SORCS2: variants seen among roughly 807,000 people sequenced by gnomAD.
SORCS2 encodes the protein sortilin related VPS10 domain containing receptor 2.
SORCS2 carries 100 observed loss-of-function variants against 141.6 expected under a neutral mutation model. The ratio of observed to expected loss-of-function variants is 0.71; its 90% CI spans 0.60 to 0.83. The LOEUF is 0.83. SORCS2 is among the 40% of genes least tolerant of loss of function. The pLI, the probability that SORCS2 is intolerant of heterozygous loss-of-function variation, is 0.00. For missense variants in SORCS2, 1,646 were observed against 1,560.2 expected (o/e 1.05, Z -0.93); for synonymous variants, 789 against 676.9 (o/e 1.17, Z -2.57).
At chr4:7,485,995 G>A (rs940485097) in intron 2 of SORCS2, among the ~76,000 whole-genome samples, 3 of 152,228 alleles carry the variant, frequency 2.0e-5, no homozygotes, top group African/African-American at 7.2e-5. Flanking sequence ...CACCCTCACT[G>A]TGGTGGCCTG....
chr4:7,532,800 C>G (rs932590015), intron 3 of SORCS2, among the ~76,000 whole-genome samples: 25 of 152,054 alleles, frequency 1.6e-4, no homozygotes, highest in African/African-American at 5.8e-4. Context: ...AAGCAGGTTG[C>G]TTTGCTGTTT....
intron 1 of SORCS2, among the ~76,000 whole-genome samples, chr4:7,370,018 TAAG>T (rs1560225109): frequency 2.0e-5 from 3 of 152,212 alleles, no homozygotes; most frequent in African/African-American, 7.2e-5. Flanking sequence ...AAAATAGAGA[TAAG>T]AAGAAGCAGC....
At chr4:7,641,854 G>A (rs1229275980) in intron 4 of SORCS2, among the ~76,000 whole-genome samples, 1 of 150,214 alleles carries the variant, frequency 6.7e-6, no homozygotes, top group African/African-American at 2.5e-5. Flanking sequence ...GGGGATGAAT[G>A]GATGGATGGG....
chr4:7,581,948 C>T lies in SORCS2; in HGVS notation c.648+50319C>T, dbSNP rs146350804. Among the ~76,000 whole-genome samples, 93 of 152,072 alleles carry T rather than the reference C, an allele frequency of 6.1e-4. 1 individual carries two copies. The East Asian group carries it at 6.8e-3, about 11-fold the overall frequency. On this transcript the variant is annotated intron_variant, in intron 3 of 26. Coordinates refer to ENST00000507866, the MANE Select transcript of SORCS2 (RefSeq NM_020777.3). ...TTTCTATATATCTTTATTTCATAGT[C>T]GAGACAATTTTATACTCTGAATTTT... is the stretch of plus-strand genomic sequence containing the variant.
At chr4:7,326,503 G>T (rs1363486476) in intron 1 of SORCS2, among the ~76,000 whole-genome samples, 1 of 152,154 alleles carries the variant, frequency 6.6e-6, no homozygotes, top group Non-Finnish European at 1.5e-5. Flanking sequence ...GGGGCTGCCG[G>T]CATGGGAACC....
intron 1 of SORCS2, among the ~76,000 whole-genome samples, chr4:7,294,448 A>T (rs1716813684): frequency 6.6e-6 from 1 of 151,796 alleles, no homozygotes; most frequent in South Asian, 2.1e-4. Flanking sequence ...CGGCCTGCAG[A>T]CCTTCAGATC....
chr4:7,439,602 G>T (rs1306909503), intron 2 of SORCS2, among the ~76,000 whole-genome samples: 1 of 152,188 alleles, frequency 6.6e-6, no homozygotes, highest in Admixed American at 6.5e-5. Flanking sequence ...TTCTCCCACA[G>T]ATTAATTTTG....
intron 1 of SORCS2, among the ~76,000 whole-genome samples, chr4:7,368,004 G>A (rs915984759): frequency 1.3e-5 from 2 of 152,194 alleles, no homozygotes; most frequent in Non-Finnish European, 2.9e-5. Flanking sequence ...TCAGCGCTGG[G>A]CTTCATGGAG....
chr4:7,577,209 G>A lies in SORCS2; in HGVS notation c.648+45580G>A, dbSNP rs75210521. Among the ~76,000 whole-genome samples the A allele has an allele frequency of 6.4e-3, 968 of 152,282 alleles. 12 individuals are homozygous for A. Among genetic ancestry groups the A allele is most frequent in the African/African-American group, 0.022 (930 of 41,530 alleles). On this transcript the variant is annotated intron_variant, in intron 3 of 26. Transcript: ENST00000507866. ...TGTCCAGAGCAGGGAGGGGAGAGAGGATGAAACTGATGGAAATAAGGAGAG... is the reference window on the plus strand; with the variant it reads ...TGTCCAGAGCAGGGAGGGGAGAGAGAATGAAACTGATGGAAATAAGGAGAG...
intron 2 of SORCS2, among the ~76,000 whole-genome samples, chr4:7,463,551 A>C (rs576562355): frequency 3.3e-4 from 50 of 152,322 alleles, no homozygotes; most frequent in African/African-American, 1.2e-3. Context: ...ACAGACCCCC[A>C]TCCTTGGAAA....
At chr4:7,661,168 T>A (rs1722135346) in intron 5 of SORCS2, among the ~76,000 whole-genome samples, 1 of 152,138 alleles carries the variant, frequency 6.6e-6, no homozygotes, top group South Asian at 2.1e-4. Context: ...AAGTCTTTTA[T>A]GAAGAAGAAA....
At chr4:7,417,303 C>T (rs1243611512) in intron 2 of SORCS2, among the ~76,000 whole-genome samples, 1 of 152,128 alleles carries the variant, frequency 6.6e-6, no homozygotes, top group African/African-American at 2.4e-5. Flanking sequence ...CGCCAGGAAG[C>T]CCAAGTCCTG....
In SORCS2 at chr4:7,240,669, C is replaced by T. The variant is rs546835998; in HGVS notation, c.480+47543C>T. On this transcript the variant is annotated intron_variant, in intron 1 of 26. Coordinates refer to ENST00000507866, the MANE Select transcript of SORCS2 (RefSeq NM_020777.3). ...GTTGAAGGGCTGTCTTTGAAAATGG[C>T]CTTCACTTTCTAGCCCCGGATCCTG... Among the ~76,000 whole-genome samples, 20 of 152,228 alleles carry T rather than the reference C, an allele frequency of 1.3e-4. No homozygotes were observed. In the East Asian group the frequency reaches 3.7e-3, roughly 28 times the overall value.
chr4:7,560,300 A>G (rs1714443419), intron 3 of SORCS2, among the ~76,000 whole-genome samples: 1 of 152,144 alleles, frequency 6.6e-6, no homozygotes, highest in African/African-American at 2.4e-5. Flanking sequence ...ACACTGTATT[A>G]TGGGGTGGGA....
At chr4:7,704,108 C>A in intron 13 of SORCS2, 69 bp from the exon 14 acceptor site, 1 of 1,451,016 alleles carries the variant, frequency 6.9e-7, no homozygotes, top group South Asian at 1.2e-5. Context: ...CTGGACCCGC[C>A]GGGCAGAGTC....
At chr4:7,232,924 G>A (rs1338390158) in intron 1 of SORCS2, among the ~76,000 whole-genome samples, 1 of 152,180 alleles carries the variant, frequency 6.6e-6, no homozygotes, top group Non-Finnish European at 1.5e-5. Context: ...GGAGTGTTTG[G>A]TCCCATAGAG....
intron 4 of SORCS2, among the ~76,000 whole-genome samples, chr4:7,647,338 C>T (rs1721146092): frequency 1.3e-5 from 2 of 152,142 alleles, no homozygotes; most frequent in East Asian, 1.9e-4. Context: ...CGTGAACTCC[C>T]AGGATTGCTG....
chr4:7,417,159 C>G (rs1025959392), intron 2 of SORCS2, among the ~76,000 whole-genome samples: 1 of 152,160 alleles, frequency 6.6e-6, no homozygotes, highest in Non-Finnish European at 1.5e-5. Flanking sequence ...AAGGATGGAG[C>G]CATAAACCTG....
At chr4:7,713,731 A>G (rs1358626710) in intron 15 of SORCS2, among the ~76,000 whole-genome samples, 1 of 152,188 alleles carries the variant, frequency 6.6e-6, no homozygotes, top group Admixed American at 6.5e-5. Flanking sequence ...CTTAAGCTGG[A>G]TTTCACAAGG....
Sources: gnomAD v4.1 joint callset for allele counts (sites outside exome capture counted in the v4.1 genomes callset) on GRCh38, gnomAD v4.1.1 for gene constraint, MANE v1.5 for transcripts, NCBI Gene and HGNC (gene_info 2026-07-23, HGNC 2026-07-21) for gene names.